Variants in NEGR1 observed in about 807,000 individuals in gnomAD.
NEGR1 encodes the protein IgLON family member 4.
A neutral mutation model predicts 40.9 loss-of-function variants in NEGR1; 10 were observed. That is an observed-to-expected ratio of 0.24 (90% CI 0.15 to 0.42). The LOEUF (loss-of-function observed/expected upper bound fraction) is 0.42, where lower values mean the gene tolerates loss of function less well. Among genes scored for constraint, NEGR1 ranks in the 10% least tolerant of loss-of-function variants. The pLI is 1.00. For synonymous variants in NEGR1, 185 were observed against 166.8 expected (o/e 1.11, Z -0.84); for missense variants, 352 against 438.9 (o/e 0.80, Z 1.77).
intron 6 of NEGR1, among the ~76,000 whole-genome samples, chr1:71,580,971 C>G (rs1649116946): frequency 6.6e-6 from 1 of 152,146 alleles, no homozygotes; most frequent in South Asian, 2.1e-4. Context: ...TTATTAAATA[C>G]AGCCATTATT....
intron 2 of NEGR1, among the ~76,000 whole-genome samples, chr1:71,916,197 A>C (rs564878176): frequency 6.6e-6 from 1 of 152,306 alleles, no homozygotes; most frequent in Non-Finnish European, 1.5e-5. Context: ...ATTTATTTAA[A>C]TGTTTATTTT....
At chr1:72,095,179 A>T (rs1264225669) in intron 1 of NEGR1, among the ~76,000 whole-genome samples, 1 of 152,062 alleles carries the variant, frequency 6.6e-6, no homozygotes, top group African/African-American at 2.4e-5. Context: ...ATTTTAGGAT[A>T]TATACATACA....
At chr1:72,121,933 T>TA (rs1251696358) in intron 1 of NEGR1, among the ~76,000 whole-genome samples, 1 of 151,920 alleles carries the variant, frequency 6.6e-6, no homozygotes, top group African/African-American at 2.4e-5. Context: ...GCAATGCAGA[T>TA]AATTTTAAGG....
chr1:71,976,614 G>A (rs949171734), intron 1 of NEGR1, among the ~76,000 whole-genome samples: 3 of 152,060 alleles, frequency 2.0e-5, no homozygotes, highest in Admixed American at 2.0e-4. Flanking sequence ...TTTGGGATTT[G>A]GGTAGCTTTT....
intron 2 of NEGR1, among the ~76,000 whole-genome samples, chr1:71,856,810 T>C (rs1272269797): frequency 6.6e-6 from 1 of 152,094 alleles, no homozygotes; most frequent in Non-Finnish European, 1.5e-5. Flanking sequence ...CTTCATGCCA[T>C]ATGAATTATT....
chr1:71,639,434 T>C (rs1651273048), intron 4 of NEGR1, among the ~76,000 whole-genome samples: 1 of 152,108 alleles, frequency 6.6e-6, no homozygotes, highest in Non-Finnish European at 1.5e-5. Flanking sequence ...CTGTTGCTAC[T>C]CTTGCTGAAG....
At chr1:71,796,851 A>G (rs1657346767) in intron 2 of NEGR1, among the ~76,000 whole-genome samples, 1 of 152,130 alleles carries the variant, frequency 6.6e-6, no homozygotes, top group Admixed American at 6.6e-5. Flanking sequence ...AGGAGTTGAG[A>G]GAAGGAAGTT....
chr1:72,069,125 G>A (rs544982288), intron 1 of NEGR1, among the ~76,000 whole-genome samples: 3 of 151,898 alleles, frequency 2.0e-5, no homozygotes, highest in South Asian at 2.1e-4. Context: ...GTATGTAAAC[G>A]ATGGCTGGGT....
At chr1:71,711,583 G>C (rs925362695) in intron 3 of NEGR1, among the ~76,000 whole-genome samples, 1 of 151,222 alleles carries the variant, frequency 6.6e-6, no homozygotes, top group Admixed American at 6.6e-5. Context: ...CTTTGGAAAA[G>C]AGTTTGTCAG....
chr1:71,538,878 T>A (rs761890090), intron 6 of NEGR1, among the ~76,000 whole-genome samples: 1 of 151,720 alleles, frequency 6.6e-6, no homozygotes, highest in Admixed American at 6.6e-5. Flanking sequence ...TTCCATCCCA[T>A]CTGGTGATCT....
At chr1:71,679,400 T>C (rs2101608402) in intron 4 of NEGR1, among the ~76,000 whole-genome samples, 1 of 152,312 alleles carries the variant, frequency 6.6e-6, no homozygotes, top group Non-Finnish European at 1.5e-5. Flanking sequence ...ATTTAACATC[T>C]CTTAAATTCA....
At chr1:71,986,749 G>A (rs1043157593) in intron 1 of NEGR1, among the ~76,000 whole-genome samples, 36 of 152,180 alleles carry the variant, frequency 2.4e-4, no homozygotes, top group African/African-American at 8.4e-4. Context: ...TGGCTTCACC[G>A]GACTGTGTCA....
intron 2 of NEGR1, among the ~76,000 whole-genome samples, chr1:71,909,753 T>C (rs1012680948): frequency 2.6e-5 from 4 of 152,226 alleles, no homozygotes; most frequent in Non-Finnish European, 5.9e-5. Flanking sequence ...CTTGGCCAGA[T>C]TTGGAAAATA....
At position 71,842,427 on chromosome 1, in the gene NEGR1, T is replaced by G. The variant is rs1292178639; in HGVS notation, c.410-66130A>C. Among the ~76,000 whole-genome samples the G allele has an allele frequency of 2.0e-5, 3 of 152,170 alleles. No homozygotes were observed. The East Asian group carries it at 5.8e-4, about 29-fold the overall frequency. The stretch of plus-strand genomic sequence containing the variant: ...CAGGAAGCTGGAGATACATTTTGTT[T>G]GTTCTGAAGATTCTTTAAGCTCCTT... On this transcript the variant is annotated intron_variant, in intron 2 of 6. Transcript: ENST00000357731.
At chr1:71,989,953 A>G (rs1466346290) in intron 1 of NEGR1, among the ~76,000 whole-genome samples, 1 of 152,104 alleles carries the variant, frequency 6.6e-6, no homozygotes, top group Admixed American at 6.5e-5. Flanking sequence ...AATCTTTTTG[A>G]TCTCTGATAC....
chr1:71,713,724 C>T (rs1000974547), intron 3 of NEGR1, among the ~76,000 whole-genome samples: 10 of 152,188 alleles, frequency 6.6e-5, no homozygotes, highest in African/African-American at 2.4e-4. Flanking sequence ...ATAATTGTCA[C>T]ACCACCTTGA....
At chr1:71,492,560 T>C (rs1196056405) in intron 6 of NEGR1, among the ~76,000 whole-genome samples, 3 of 152,084 alleles carry the variant, frequency 2.0e-5, no homozygotes, top group Non-Finnish European at 4.4e-5. Context: ...ACCTCCCTTC[T>C]CTAAACAGTA....
At chr1:71,888,460 G>A (rs925979418) in intron 2 of NEGR1, among the ~76,000 whole-genome samples, 1 of 151,804 alleles carries the variant, frequency 6.6e-6, no homozygotes, top group African/African-American at 2.4e-5. Context: ...GGTGACGGAC[G>A]CACCTGGAAA....
At chr1:72,045,868 G>T (rs942270810) in intron 1 of NEGR1, among the ~76,000 whole-genome samples, 114 of 151,776 alleles carry the variant, frequency 7.5e-4, no homozygotes, top group African/African-American at 2.7e-3. Flanking sequence ...CAGAAATTTC[G>T]AAAGAATATC....
Sources: gnomAD v4.1 joint callset for allele counts (sites outside exome capture counted in the v4.1 genomes callset) on GRCh38, gnomAD v4.1.1 for gene constraint, MANE v1.5 for transcripts, NCBI Gene and HGNC (gene_info 2026-07-23, HGNC 2026-07-21) for gene names.